Variants in MORC4 observed in about 807,000 individuals in gnomAD.
The protein encoded by MORC4 is MORC family CW-type zinc finger 4.
A neutral mutation model predicts 65.5 loss-of-function variants in MORC4; 22 were observed. That is an observed-to-expected ratio of 0.34 (90% confidence interval 0.24 to 0.48). The LOEUF is 0.48. MORC4 is among the 20% of genes least tolerant of loss of function. The pLI is 0.99. For missense variants in MORC4, 624 were observed against 703.0 expected, an observed-to-expected ratio of 0.89 and a Z score of 1.27; for synonymous variants, 267 against 255.8, an observed-to-expected ratio of 1.04 and a Z score of -0.42.
intron 14 of MORC4, among the ~76,000 whole-genome samples, chrX:106,950,396 C>G (rs2062446208): frequency 8.9e-6 from 1 of 112,005 alleles, no homozygotes; most frequent in Admixed American, 9.5e-5. Flanking sequence ...CATTCCTCAT[C>G]CTTAAGGCCT....
chrX:106,993,276 C>T lies in MORC4; in HGVS notation c.262G>A (p.Asp88Asn), dbSNP rs375777883. The change falls in exon 3 of 17, where the codon GAT becomes AAT. Residue 88 changes from aspartate (D) to asparagine (N), a missense_variant. Physicochemically the swap from Asp to Asn is conservative, Grantham distance 23 (BLOSUM62 1). Coordinates refer to ENST00000355610, the MANE Select transcript of MORC4 (RefSeq NM_024657.5). Reference sequence around the variant, plus strand: ...TGAGGTGTCATCCCACATCCATCATCGGTAAAGGTCAAACAAGATTTATTC... The same window carrying T: ...TGAGGTGTCATCCCACATCCATCATTGGTAAAGGTCAAACAAGATTTATTC... ...VKNKSCLTFT[D>N]DGCGMTPHKL... The T allele has an allele frequency of 6.6e-6, 8 of 1,208,311 alleles. 1 individual carries two copies. The highest frequency in any genetic ancestry group is 3.0e-5 in the East Asian group (1 of 33,772).
At chrX:106,974,712 G>C in intron 9 of MORC4, among the ~76,000 whole-genome samples, 1 of 111,842 alleles carries the variant, frequency 8.9e-6, no homozygotes, top group Non-Finnish European at 1.9e-5. Context: ...CCAGCAGTAT[G>C]ATGGCTGGTA....
At chrX:106,958,533 G>A in intron 10 of MORC4, 69 bp from the exon 11 acceptor site, 1 of 955,581 alleles carries the variant, frequency 1.0e-6, no homozygotes, top group South Asian at 3.6e-5. Context: ...CATTAGAAAG[G>A]TGCAGCCAAA....
chrX:106,982,832 C>T (rs971634497), intron 5 of MORC4, among the ~76,000 whole-genome samples: 2 of 111,899 alleles, frequency 1.8e-5, no homozygotes, highest in African/African-American at 6.5e-5. Context: ...ATATTTTCAA[C>T]GCACATTAGT....
chrX:106,980,159 G>C (rs1934711065), intron 7 of MORC4, among the ~76,000 whole-genome samples: 1 of 110,805 alleles, frequency 9.0e-6, no homozygotes, highest in African/African-American at 3.3e-5. Flanking sequence ...GCCTTTCAAA[G>C]ATGTTTTCTG....
intron 7 of MORC4, among the ~76,000 whole-genome samples, chrX:106,980,044 T>G (rs6622130): frequency 0.45 from 49,182 of 109,022 alleles, 8,515 homozygotes; most frequent in East Asian, 0.93. Flanking sequence ...ATAATGCCTT[T>G]GATAAAGCAA....
chrX:106,964,093 C>T (rs145591097), intron 9 of MORC4, among the ~76,000 whole-genome samples: 38 of 111,542 alleles, frequency 3.4e-4, no homozygotes, highest in Non-Finnish European at 6.2e-4. Flanking sequence ...GATTTTAAAA[C>T]GGTCTTAAAG....
intron 9 of MORC4, among the ~76,000 whole-genome samples, chrX:106,968,749 T>C (rs180685749): frequency 7.0e-4 from 74 of 105,427 alleles, no homozygotes; most frequent in Non-Finnish European, 1.6e-4. Context: ...CATTACATAA[T>C]GGTAAAGGGA....
chrX:106,965,905 G>C (rs961373496), intron 9 of MORC4, among the ~76,000 whole-genome samples: 1 of 112,120 alleles, frequency 8.9e-6, no homozygotes, highest in African/African-American at 3.2e-5. Context: ...CTTGAGAGAA[G>C]ATGATCTTTG....
chrX:106,953,953 GTC>G (rs891326807), intron 14 of MORC4, among the ~76,000 whole-genome samples: 3 of 111,897 alleles, frequency 2.7e-5, no homozygotes, highest in African/African-American at 9.7e-5. Flanking sequence ...GAGAAACTCC[GTC>G]TCTACTAAAA....
chrX:106,993,139 A>G, intron 3 of MORC4, 91 bp downstream of exon 3: 1 of 991,687 alleles, frequency 1.0e-6, no homozygotes, highest in South Asian at 2.6e-5. Flanking sequence ...TTGAATGAAC[A>G]AAAGGAAAGC....
intron 14 of MORC4, among the ~76,000 whole-genome samples, chrX:106,946,281 A>G (rs1185406108): frequency 8.9e-6 from 1 of 112,367 alleles, no homozygotes; most frequent in East Asian, 2.8e-4. Context: ...ACACTACTCT[A>G]CTTTCTGTCT....
rs184700169 is a variant in MORC4, at chrX:106,976,410, A to G, written c.1157+174T>C. 5.8e-3 allele frequency among the ~76,000 whole-genome samples: 652 copies of G among 112,143 alleles called. 1 individual carries two copies. The highest frequency in any genetic ancestry group is 0.01 in the Non-Finnish European group (539 of 53,077). ...CTCAACGAGACTCCATATATCATTCAGCAAACTTTAATTTAAAAATGAAAG... is the reference window on the plus strand; with the variant it reads ...CTCAACGAGACTCCATATATCATTCGGCAAACTTTAATTTAAAAATGAAAG... On this transcript the variant is annotated intron_variant, in intron 9 of 16. Coordinates refer to ENST00000355610, the MANE Select transcript of MORC4 (RefSeq NM_024657.5).
In MORC4 at chrX:106,953,104, C is replaced by T. The variant is rs191983721; in HGVS notation, c.1685+1809G>A. On this transcript the variant is annotated intron_variant, in intron 14 of 16. Coordinates refer to ENST00000355610, the MANE Select transcript of MORC4 (RefSeq NM_024657.5). ...GAATGGTCAATGTACTTTACCTGTCCTCTACAGCCAAAACCTCACTCTCGA... is the reference window on the plus strand; with the variant it reads ...GAATGGTCAATGTACTTTACCTGTCTTCTACAGCCAAAACCTCACTCTCGA... 3.0e-3 allele frequency among the ~76,000 whole-genome samples: 333 copies of T among 111,884 alleles called. 4 individuals carry two copies. Among genetic ancestry groups the T allele is most frequent in the African/African-American group, 9.2e-3 (283 of 30,817 alleles).
At chrX:106,974,961 T>C (rs1024436763) in intron 9 of MORC4, among the ~76,000 whole-genome samples, 2 of 111,797 alleles carry the variant, frequency 1.8e-5, no homozygotes, top group African/African-American at 6.5e-5. Context: ...CTGTTTTTAA[T>C]AAAGTGTGTA....
chrX:106,989,696 C>T (rs1349790727), intron 3 of MORC4, among the ~76,000 whole-genome samples: 7 of 108,102 alleles, frequency 6.5e-5, no homozygotes, highest in Non-Finnish European at 1.1e-4. Context: ...GGTGAAACCC[C>T]GTCTCTACTA....
chrX:106,972,536 A>G (rs1235443362), intron 9 of MORC4, among the ~76,000 whole-genome samples: 2 of 111,704 alleles, frequency 1.8e-5, no homozygotes, highest in African/African-American at 6.5e-5. Context: ...AAAAATAGAT[A>G]TAGGATTCCC....
intron 7 of MORC4, among the ~76,000 whole-genome samples, chrX:106,978,763 G>A (rs1199221034): frequency 7.2e-5 from 8 of 111,302 alleles, no homozygotes; most frequent in Non-Finnish European, 1.9e-5. Flanking sequence ...GGGCACATAG[G>A]TTCTGATAAG....
At chrX:106,989,562 T>C (rs1369775533) in intron 3 of MORC4, among the ~76,000 whole-genome samples, 1 of 111,751 alleles carries the variant, frequency 8.9e-6, no homozygotes, top group Non-Finnish European at 1.9e-5. Context: ...AATACAAAAG[T>C]AATATGCCTT....
Sources: allele counts gnomAD v4.1 joint callset (sites outside exome capture counted in the v4.1 genomes callset), GRCh38; gene constraint gnomAD v4.1.1; transcripts MANE v1.5; gene names NCBI Gene and HGNC (gene_info 2026-07-23, HGNC 2026-07-21).